Variants in FNDC3A observed in about 807,000 individuals in gnomAD.
FNDC3A encodes fibronectin type-III domain-containing protein 3A.
FNDC3A carries 32 observed loss-of-function variants against 148.9 expected under a neutral mutation model. The observed-to-expected ratio is 0.21, with a 90% CI of 0.16 to 0.29. The LOEUF (loss-of-function observed/expected upper bound fraction) is 0.29. Ranked by LOEUF, FNDC3A falls within the 10% of genes least tolerant of loss-of-function variation. The probability of loss-of-function intolerance (pLI) is 1.00; values close to 1 mark genes in which losing one functional copy is unlikely to be tolerated. For missense variants in FNDC3A, 1,191 were observed against 1,452.8 expected (o/e 0.82, Z 2.93); for synonymous variants, 472 against 473.6 (o/e 1.00, Z 0.04).
At chr13:49,083,131 A>G (rs1026628447) in intron 3 of FNDC3A, among the ~76,000 whole-genome samples, 1 of 152,192 alleles carries the variant, frequency 6.6e-6, no homozygotes, top group African/African-American at 2.4e-5. Flanking sequence ...CTAAGAACTC[A>G]GTATTACTTG....
At chr13:49,145,190 A>G (rs1474868093) in intron 7 of FNDC3A, among the ~76,000 whole-genome samples, 3 of 152,182 alleles carry the variant, frequency 2.0e-5, no homozygotes, top group African/African-American at 4.8e-5. Context: ...ACTAGTTGCT[A>G]TACACAAGGA....
chr13:49,159,990 CT>C (rs1252221115), intron 8 of FNDC3A, among the ~76,000 whole-genome samples: 2 of 152,152 alleles, frequency 1.3e-5, no homozygotes, highest in South Asian at 2.1e-4. Flanking sequence ...GGTGGATAAG[CT>C]TTTTGATGTG....
chr13:49,152,198 G>A (rs547561153), intron 8 of FNDC3A, among the ~76,000 whole-genome samples: 1 of 152,312 alleles, frequency 6.6e-6, no homozygotes, highest in South Asian at 2.1e-4. Flanking sequence ...CACCAACAGT[G>A]TAAAAGCATT....
intron 3 of FNDC3A, among the ~76,000 whole-genome samples, chr13:49,081,120 C>T (rs1466375083): frequency 6.6e-6 from 1 of 152,136 alleles, no homozygotes; most frequent in Non-Finnish European, 1.5e-5. Context: ...TAAAAACCCT[C>T]CTTATGAGAG....
Position 49,083,006 on chromosome 13 carries a change from G to A in FNDC3A, c.175+7642G>A, listed in dbSNP as rs538371461. Among the ~76,000 whole-genome samples, 9 of 152,224 alleles carry A rather than the reference G, an allele frequency of 5.9e-5. No individual in the cohort carries two copies. In the South Asian group the frequency reaches 1.7e-3, roughly 28 times the overall value. ...ATGGTCAGATAGTGCACAATCTGGG[G>A]ATGTATTAGAGTGAAGAGTCAGAGC... is the stretch of plus-strand genomic sequence containing the variant. On this transcript the variant is annotated intron_variant, in intron 3 of 25. Transcript: ENST00000492622.
intron 19 of FNDC3A, among the ~76,000 whole-genome samples, chr13:49,196,303 G>A (rs1474594694): frequency 6.6e-6 from 1 of 151,970 alleles, no homozygotes; most frequent in African/African-American, 2.4e-5. Context: ...CCTATGTGTC[G>A]GGGAAGGAAT....
chr13:49,079,717 C>T (rs535744231), intron 3 of FNDC3A, among the ~76,000 whole-genome samples: 142 of 152,252 alleles, frequency 9.3e-4, no homozygotes, highest in African/African-American at 3.3e-3. Context: ...AAATACACTC[C>T]TGAGCTTCTC....
chr13:48,998,727 TC>T (rs1952069402), intron 1 of FNDC3A, among the ~76,000 whole-genome samples: 1 of 152,148 alleles, frequency 6.6e-6, no homozygotes, highest in Non-Finnish European at 1.5e-5. Flanking sequence ...TCTCAGCATG[TC>T]CATATTACAG....
Position 49,075,363 on chromosome 13 carries a change from A to G in FNDC3A, c.174A>G (p.Thr58=). 6.4e-7 allele frequency: 1 copy of G among 1,565,548 alleles called. No individual in the cohort carries two copies. Among genetic ancestry groups the G allele is most frequent in the Non-Finnish European group, 8.8e-7 (1 of 1,138,176 alleles). ...AAGATGGACAGTTTCAGTGCATTAC[A>G]GGTAAGAATGGTAATTGAGAATAAT... ...RREDGQFQCI[T]GPAQVPMMSP... The change falls in exon 3 of 26, where the codon ACA becomes ACG. Residue 58 remains threonine, a splice_region_variant and synonymous_variant. Transcript: ENST00000492622.
intron 5 of FNDC3A, 121 bp downstream of exon 5, chr13:49,131,495 T>C: frequency 2.6e-6 from 2 of 762,500 alleles, no homozygotes; most frequent in East Asian, 5.0e-5. Context: ...ACAGGCATTT[T>C]TCTTTTACTC....
chr13:49,017,835 G>A (rs1197632321), intron 2 of FNDC3A, among the ~76,000 whole-genome samples: 1 of 151,894 alleles, frequency 6.6e-6, no homozygotes, highest in Non-Finnish European at 1.5e-5. Context: ...TGTCTGTAAA[G>A]TATTTTATTT....
At chr13:49,042,828 A>G (rs1366652214) in intron 2 of FNDC3A, among the ~76,000 whole-genome samples, 2 of 152,198 alleles carry the variant, frequency 1.3e-5, no homozygotes, top group East Asian at 3.8e-4. Context: ...TTTGATAAAT[A>G]CAGTGTTGTC....
intron 13 of FNDC3A, 82 bp from the exon 14 acceptor site, chr13:49,178,486 C>G: frequency 1.2e-6 from 1 of 834,910 alleles, no homozygotes; most frequent in Non-Finnish European, 2.0e-6. Context: ...TGAAGAGAAA[C>G]CCGGGTCTTT....
Position 49,191,070 on chromosome 13 carries a change from C to T in FNDC3A, c.2000C>T (p.Pro667Leu). Residue 667 changes from proline (P) to leucine (L), a missense_variant, in exon 18 of 26, where the codon CCT (proline) becomes CTT (leucine). Physicochemically the swap from Pro to Leu is moderately conservative, Grantham distance 98. Transcript: ENST00000492622. ...TPAVPPGPCL[P>L]PRLQGRPKAK... ...GCTGTGCCTCCTGGCCCATGCCTCC[C>T]TCCCAGATTACAGGGTAGACCCAAA... is the stretch of plus-strand genomic sequence containing the variant. The T allele has an allele frequency of 6.2e-7, 1 of 1,613,984 alleles. No homozygotes were observed. Among genetic ancestry groups the T allele is most frequent in the Non-Finnish European group, 8.5e-7 (1 of 1,179,980 alleles).
chr13:49,146,091 T>G (rs1489394243), intron 8 of FNDC3A, 156 bp downstream of exon 8: 2 of 576,268 alleles, frequency 3.5e-6, no homozygotes, highest in African/African-American at 3.9e-5. Context: ...ATGGTCCAAA[T>G]GTAGCTTGGT....
chr13:49,059,281 G>C (rs1294668968), intron 2 of FNDC3A, among the ~76,000 whole-genome samples: 2 of 152,098 alleles, frequency 1.3e-5, no homozygotes, highest in Non-Finnish European at 2.9e-5. Context: ...GACAACATAG[G>C]GGTAAATCTT....
At chr13:49,181,354 C>T (rs1176720531) in intron 14 of FNDC3A, among the ~76,000 whole-genome samples, 2 of 152,202 alleles carry the variant, frequency 1.3e-5, no homozygotes, top group South Asian at 2.1e-4. Context: ...TTGTCAGTAT[C>T]GCCTGAGAAC....
chr13:49,017,589 T>A (rs1187971530), intron 2 of FNDC3A, among the ~76,000 whole-genome samples: 8 of 152,222 alleles, frequency 5.3e-5, no homozygotes, highest in African/African-American at 9.7e-5. Flanking sequence ...TTGGAGCATT[T>A]AGTCCATTTA....
At chr13:49,171,088 G>A (rs540216438) in intron 10 of FNDC3A, among the ~76,000 whole-genome samples, 2 of 151,910 alleles carry the variant, frequency 1.3e-5, no homozygotes, top group South Asian at 4.2e-4. Context: ...CCACTACTTT[G>A]CCAGTCAGTG....
Sources: allele counts gnomAD v4.1 joint callset (sites outside exome capture counted in the v4.1 genomes callset), GRCh38; gene constraint gnomAD v4.1.1; transcripts MANE v1.5; gene names NCBI Gene and HGNC (gene_info 2026-07-23, HGNC 2026-07-21).